ABCB1: variants seen among roughly 807,000 people sequenced by gnomAD.
ABCB1 encodes ATP-dependent translocase ABCB1.
A neutral mutation model predicts 142.0 loss-of-function variants in ABCB1; 69 were observed. The ratio of observed to expected loss-of-function variants is 0.49; its 90% CI spans 0.40 to 0.59. The LOEUF (loss-of-function observed/expected upper bound fraction) is 0.59, where lower values mean the gene tolerates loss of function less well. Ranked by LOEUF, ABCB1 falls within the 20% of genes least tolerant of loss-of-function variation. The pLI, the probability that ABCB1 is intolerant of heterozygous loss-of-function variation, is 0.00. For synonymous variants in ABCB1, 532 were observed against 539.2 expected, an observed-to-expected ratio of 0.99 and a Z score of 0.18; for missense variants, 1,326 against 1,554.7, an observed-to-expected ratio of 0.85 and a Z score of 2.47.
Position 87,536,519 on chromosome 7 carries a change from G to A in ABCB1, c.2420C>T (p.Pro807Leu), listed in dbSNP as rs1816302218. ...AGTCAATGCTCCAGTGGTGTTTTTA[G>A]GGTCATCAAACCAACTCACATCCTG... is the stretch of plus-strand genomic sequence containing the variant. ...LRQDVSWFDD[P>L]KNTTGALTTR... Residue 807 changes from proline to leucine, a missense_variant, in exon 20 of 28, where the codon CCT becomes CTT. Physicochemically the swap from Pro to Leu is moderately conservative, Grantham distance 98. Coordinates refer to ENST00000622132, the MANE Select transcript of ABCB1 (RefSeq NM_001348946.2). 6.2e-7 allele frequency: 1 copy of A among 1,613,856 alleles called. No homozygotes were observed. The highest frequency in any genetic ancestry group is 1.3e-5 in the African/African-American group (1 of 74,986).
intron 21 of ABCB1, chr7:87,521,428 A>G: frequency 1.5e-6 from 1 of 674,656 alleles, no homozygotes. Context: ...CCACCAAGGA[A>G]GCATCCTTAA....
intron 1 of ABCB1, among the ~76,000 whole-genome samples, chr7:87,642,155 C>G (rs1822522915): frequency 6.6e-6 from 1 of 151,796 alleles, no homozygotes; most frequent in Admixed American, 6.6e-5. Context: ...TGCCAGAATT[C>G]AAACCCAAAT....
intron 1 of ABCB1, among the ~76,000 whole-genome samples, chr7:87,675,140 G>A (rs1352965948): frequency 6.6e-6 from 1 of 152,092 alleles, no homozygotes; most frequent in African/African-American, 2.4e-5. Context: ...AGATGCTGGG[G>A]GCTAGGAACA....
In ABCB1 at chr7:87,550,484, G is replaced by A; in HGVS notation, c.1208C>T (p.Ser403Phe). The change falls in exon 11 of 28, where the codon TCT becomes TTT. Residue 403 changes from serine (S) to phenylalanine (F), a missense_variant. Coordinates refer to ENST00000622132, the MANE Select transcript of ABCB1 (RefSeq NM_001348946.2). ...EFRNVHFSYPSRKEVKILKGL... is the reference protein window; with the variant it reads ...EFRNVHFSYPFRKEVKILKGL... Reference sequence around the variant, plus strand: ...TCACTGTACCTTAACTTCTTTTCGAGATGGGTAACTGAAGTGAACATTTCT... The same window carrying A: ...TCACTGTACCTTAACTTCTTTTCGAAATGGGTAACTGAAGTGAACATTTCT... The A allele has an allele frequency of 6.2e-7, 1 of 1,612,964 alleles. No homozygotes were observed. Among genetic ancestry groups the A allele is most frequent in the South Asian group, 1.1e-5 (1 of 91,082 alleles).
chr7:87,580,334 A>T (rs1252961743), intron 4 of ABCB1, among the ~76,000 whole-genome samples: 1 of 152,206 alleles, frequency 6.6e-6, no homozygotes, highest in Non-Finnish European at 1.5e-5. Flanking sequence ...ATTTTAGGAT[A>T]AAAAGTGTTT....
chr7:87,703,657 A>G (rs1012142785), intron 1 of ABCB1, among the ~76,000 whole-genome samples: 2 of 151,832 alleles, frequency 1.3e-5, no homozygotes, highest in Admixed American at 1.3e-4. Flanking sequence ...TAAATTAATT[A>G]TAGATTTTCT....
At chr7:87,571,897 C>T (rs1818072881) in intron 4 of ABCB1, among the ~76,000 whole-genome samples, 1 of 152,064 alleles carries the variant, frequency 6.6e-6, no homozygotes, top group East Asian at 1.9e-4. Flanking sequence ...AACAGCAGGC[C>T]AAGCACAGAA....
At chr7:87,509,885 A>T (rs979407063) in intron 25 of ABCB1, among the ~76,000 whole-genome samples, 1 of 152,254 alleles carries the variant, frequency 6.6e-6, no homozygotes, top group South Asian at 2.1e-4. Context: ...TAATGTAATC[A>T]TAAGGGCTCT....
chr7:87,581,653 T>C (rs1484651124), intron 4 of ABCB1, among the ~76,000 whole-genome samples: 2 of 152,112 alleles, frequency 1.3e-5, no homozygotes, highest in Non-Finnish European at 2.9e-5. Flanking sequence ...GGCAAAGTAT[T>C]GGGACGAGAA....
chr7:87,509,040 T>C (rs1457096478), intron 26 of ABCB1, among the ~76,000 whole-genome samples: 6 of 152,194 alleles, frequency 3.9e-5, no homozygotes, highest in African/African-American at 1.4e-4. Context: ...TCCTCTCTCC[T>C]AAACCTGAAG....
At chr7:87,683,387 T>C (rs1563130816) in intron 1 of ABCB1, among the ~76,000 whole-genome samples, 1 of 152,264 alleles carries the variant, frequency 6.6e-6, no homozygotes, top group Non-Finnish European at 1.5e-5. Flanking sequence ...AGGTTTTGGC[T>C]ATCTCAGTTT....
intron 21 of ABCB1, among the ~76,000 whole-genome samples, chr7:87,530,102 A>T (rs1358294334): frequency 6.6e-6 from 1 of 152,232 alleles, no homozygotes; most frequent in Non-Finnish European, 1.5e-5. Flanking sequence ...GCAATGACCA[A>T]CATCTGGGGC....
chr7:87,644,493 A>G (rs991641857), intron 1 of ABCB1, among the ~76,000 whole-genome samples: 1 of 152,246 alleles, frequency 6.6e-6, no homozygotes, highest in Admixed American at 6.5e-5. Context: ...CTTACGTTCT[A>G]TTAAAAACAT....
intron 1 of ABCB1, among the ~76,000 whole-genome samples, chr7:87,690,660 A>T (rs1470267961): frequency 1.3e-5 from 2 of 152,090 alleles, no homozygotes; most frequent in African/African-American, 4.8e-5. Context: ...TCGCTGAAAA[A>T]TTTTCCTCCT....
chr7:87,638,495 T>C lies in ABCB1; in HGVS notation c.-330-37417A>G, dbSNP rs541426546. Among the ~76,000 whole-genome samples, 12 of 152,232 alleles carry C rather than the reference T, an allele frequency of 7.9e-5. No homozygotes were observed. In the South Asian group the frequency reaches 2.5e-3, roughly 32 times the overall value. ...CGCAAATTGTCTTTGTGGGAAATCATTTAGTAACGGAATCAATTCATTTAA... is the reference window on the plus strand; with the variant it reads ...CGCAAATTGTCTTTGTGGGAAATCACTTAGTAACGGAATCAATTCATTTAA... On this transcript the variant is annotated intron_variant, in intron 1 of 28. Coordinates refer to the ABCB1 transcript ENST00000265724.
At chr7:87,599,033 T>C (rs2129995562) in intron 2 of ABCB1, among the ~76,000 whole-genome samples, 1 of 152,310 alleles carries the variant, frequency 6.6e-6, no homozygotes, top group East Asian at 1.9e-4. Flanking sequence ...AGATTATGAA[T>C]TCATATTGAA....
intron 14 of ABCB1, among the ~76,000 whole-genome samples, chr7:87,547,535 C>T (rs867134444): frequency 2.7e-4 from 41 of 150,886 alleles, no homozygotes; most frequent in Admixed American, 5.3e-4. Context: ...TGAGACCAGT[C>T]GGGGCAAGAT....
At chr7:87,570,476 T>C (rs1369804126) in intron 4 of ABCB1, among the ~76,000 whole-genome samples, 1 of 152,244 alleles carries the variant, frequency 6.6e-6, no homozygotes, top group Non-Finnish European at 1.5e-5. Context: ...AGAGGTAGTC[T>C]GTCAGCAGAA....
chr7:87,667,280 G>C (rs912867032), intron 1 of ABCB1, among the ~76,000 whole-genome samples: 1 of 151,916 alleles, frequency 6.6e-6, no homozygotes, highest in Non-Finnish European at 1.5e-5. Flanking sequence ...TGATTTGGCT[G>C]TAAGTTTGGC....
Sources: allele counts gnomAD v4.1 joint callset (sites outside exome capture counted in the v4.1 genomes callset), GRCh38; gene constraint gnomAD v4.1.1; transcripts MANE v1.5; gene names NCBI Gene and HGNC (gene_info 2026-07-23, HGNC 2026-07-21).